Variants in ZNF516 observed in about 807,000 individuals in gnomAD.
ZNF516 encodes zinc finger protein 516.
ZNF516 carries 19 observed loss-of-function variants against 79.7 expected under a neutral mutation model. The observed-to-expected ratio is 0.24, with a 90% CI of 0.17 to 0.35. The LOEUF is 0.35. Among genes scored for constraint, ZNF516 ranks in the 10% least tolerant of loss-of-function variants. The pLI, the probability that ZNF516 is intolerant of heterozygous loss-of-function variation, is 1.00. For synonymous variants in ZNF516, 877 were observed against 739.5 expected, an observed-to-expected ratio of 1.19 and a Z score of -3.02; for missense variants, 1,678 against 1,679.5, an observed-to-expected ratio of 1.00 and a Z score of 0.02.
At chr18:76,365,717 C>T (rs1019921921) in intron 6 of ZNF516, among the ~76,000 whole-genome samples, 1 of 152,196 alleles carries the variant, frequency 6.6e-6, no homozygotes, top group Admixed American at 6.5e-5. Context: ...CAAGGACAAG[C>T]ACCGGTGCCA....
At chr18:76,412,234 G>A (rs151149806) in intron 3 of ZNF516, among the ~76,000 whole-genome samples, 7 of 152,354 alleles carry the variant, frequency 4.6e-5, no homozygotes, top group Non-Finnish European at 1.0e-4. Context: ...GAAGGTCGCC[G>A]TGCTGACTGC....
intron 1 of ZNF516, among the ~76,000 whole-genome samples, chr18:76,465,327 C>G (rs1913395325): frequency 6.6e-6 from 1 of 152,166 alleles, no homozygotes; most frequent in Admixed American, 6.5e-5. Context: ...GCAGAAGAAA[C>G]AGAAAAGATC....
intron 1 of ZNF516, among the ~76,000 whole-genome samples, chr18:76,466,566 T>C (rs1315546535): frequency 1.3e-5 from 2 of 152,236 alleles, no homozygotes; most frequent in African/African-American, 4.8e-5. Context: ...AAGTGCTCTA[T>C]GCAGGTGCCG....
At chr18:76,400,723 G>C (rs1461022288) in intron 3 of ZNF516, among the ~76,000 whole-genome samples, 4 of 152,192 alleles carry the variant, frequency 2.6e-5, no homozygotes. Context: ...GAAACATGTA[G>C]GTTTTCTACA....
chr18:76,402,867 G>A (rs1290611998), intron 3 of ZNF516, among the ~76,000 whole-genome samples: 5 of 152,192 alleles, frequency 3.3e-5, no homozygotes, highest in African/African-American at 7.2e-5. Context: ...GATGCCCTCC[G>A]TGTTCCCATG....
chr18:76,474,829 A>C (rs1401828139), intron 1 of ZNF516, among the ~76,000 whole-genome samples: 1 of 152,218 alleles, frequency 6.6e-6, no homozygotes, highest in Non-Finnish European at 1.5e-5. Context: ...GAAAATTTTA[A>C]AAAATCATAC....
In ZNF516 at chr18:76,443,141, A is replaced by G. The variant is rs1911829671; in HGVS notation, c.-87T>C. ...CGTCCTATCTCTCCATGGTCAGAAG[A>G]GCCAAAAGACGTGCCTGCTCCCAGG... is the stretch of plus-strand genomic sequence containing the variant. On this transcript the variant is annotated 5_prime_UTR_variant, in exon 3 of 7. Coordinates refer to ENST00000443185, the MANE Select transcript of ZNF516 (RefSeq NM_014643.4). The G allele has an allele frequency of 6.8e-7, 1 of 1,466,924 alleles. No homozygotes were observed. The highest frequency in any genetic ancestry group is 2.5e-5 in the East Asian group (1 of 39,356). 90.9% of individuals were successfully genotyped at this position (1,466,924 alleles called of 1,614,324 possible). A position where few individuals can be genotyped will look rare whatever the true frequency, so the allele number is the denominator to read the frequency against.
intron 4 of ZNF516, among the ~76,000 whole-genome samples, chr18:76,376,801 T>C (rs2074794538): frequency 6.6e-6 from 1 of 152,008 alleles, no homozygotes; most frequent in South Asian, 2.1e-4. Flanking sequence ...GAGGGCATGA[T>C]TAATTAAAAC....
intron 4 of ZNF516, among the ~76,000 whole-genome samples, chr18:76,373,245 GGGAGC>G (rs1341443851): frequency 2.0e-5 from 3 of 151,342 alleles, no homozygotes; most frequent in African/African-American, 4.9e-5. Context: ...GGAAGAGGAG[GGGAGC>G]GGAGGGGAGG....
intron 3 of ZNF516, among the ~76,000 whole-genome samples, chr18:76,402,242 C>A (rs1226630847): frequency 1.3e-5 from 2 of 152,192 alleles, no homozygotes; most frequent in Non-Finnish European, 1.5e-5. Context: ...CAGCAGTGAA[C>A]GAGGCACACA....
intron 6 of ZNF516, among the ~76,000 whole-genome samples, chr18:76,363,052 G>C (rs1201685379): frequency 1.3e-5 from 2 of 152,192 alleles, no homozygotes; most frequent in African/African-American, 2.4e-5. Flanking sequence ...CAGAACTTCA[G>C]AGCGTGTTCA....
chr18:76,425,970 G>A (rs2075588495), intron 3 of ZNF516, among the ~76,000 whole-genome samples: 1 of 152,328 alleles, frequency 6.6e-6, no homozygotes, highest in Admixed American at 6.5e-5. Flanking sequence ...AATTTCAGAC[G>A]TCAAATTAAC....
chr18:76,455,152 T>C (rs891304848), intron 2 of ZNF516, among the ~76,000 whole-genome samples: 10 of 152,244 alleles, frequency 6.6e-5, no homozygotes, highest in Admixed American at 1.3e-4. Context: ...ACACAGTTGC[T>C]TTGCGAACAT....
At chr18:76,382,639 A>AGT (rs774197883) in intron 3 of ZNF516, among the ~76,000 whole-genome samples, 1 of 152,202 alleles carries the variant, frequency 6.6e-6, no homozygotes, top group Non-Finnish European at 1.5e-5. Flanking sequence ...AGCCAGGCAC[A>AGT]GTGGCTCAGA....
At chr18:76,496,139 G>A, upstream of ZNF516, 1 of 557,252 alleles carries the variant, frequency 1.8e-6, no homozygotes, top group Non-Finnish European at 2.7e-6. Flanking sequence ...GATGGCCGGG[G>A]TGGGGGAGGG....
chr18:76,453,909 A>C (rs549702641), intron 2 of ZNF516, among the ~76,000 whole-genome samples: 2 of 152,370 alleles, frequency 1.3e-5, no homozygotes, highest in African/African-American at 4.8e-5. Context: ...CCAGCAGCAA[A>C]GAACAATGTT....
At chr18:76,377,476 C>T (rs1279620423) in intron 4 of ZNF516, among the ~76,000 whole-genome samples, 1 of 152,246 alleles carries the variant, frequency 6.6e-6, no homozygotes, top group East Asian at 1.9e-4. Flanking sequence ...CCAAGACAGC[C>T]CTGCCAGGCC....
In ZNF516 at chr18:76,371,462, G is replaced by A. The variant is rs536150647; in HGVS notation, c.3364+5C>T. 1.0e-5 allele frequency: 16 copies of A among 1,604,076 alleles called. No homozygotes were observed. Among genetic ancestry groups the A allele is most frequent in the South Asian group, 5.5e-5 (5 of 90,650 alleles). ...CTTGGGGATAGCTGGGCGGGAGGGC[G>A]ATACCTGAGTGTGCCCGCATGTGGG... On this transcript the variant is annotated splice_donor_5th_base_variant and intron_variant, in intron 5 of 6. Coordinates refer to ENST00000443185, the MANE Select transcript of ZNF516 (RefSeq NM_014643.4).
intron 3 of ZNF516, chr18:76,385,498 G>C (rs548974544): frequency 6.6e-6 from 1 of 152,314 alleles, no homozygotes; most frequent in East Asian, 1.9e-4. Context: ...TAACAAAAAA[G>C]TCTGCAGCCA....
Sources: gnomAD v4.1 joint callset for allele counts (sites outside exome capture counted in the v4.1 genomes callset) on GRCh38, gnomAD v4.1.1 for gene constraint, MANE v1.5 for transcripts, NCBI Gene and HGNC (gene_info 2026-07-23, HGNC 2026-07-21) for gene names.